ACKR2: variants seen among roughly 807,000 people sequenced by gnomAD.
The protein encoded by ACKR2 is atypical chemokine receptor 2, also known as C-C chemokine receptor D6.
For missense variants in ACKR2, 457 were observed against 477.3 expected, an observed-to-expected ratio of 0.96 and a Z score of 0.40; for synonymous variants, 207 against 192.2, an observed-to-expected ratio of 1.08 and a Z score of -0.64.
At chr3:42,824,289 T>C (rs1366338539) in intron 2 of ACKR2, among the ~76,000 whole-genome samples, 2 of 152,200 alleles carry the variant, frequency 1.3e-5, no homozygotes, top group African/African-American at 2.4e-5. Context: ...TGTATTGTTA[T>C]TTTTAAATTT....
intron 2 of ACKR2, among the ~76,000 whole-genome samples, chr3:42,850,406 A>G (rs532617481): frequency 6.6e-6 from 1 of 152,278 alleles, no homozygotes; most frequent in African/African-American, 2.4e-5. Flanking sequence ...TGAAGCCACC[A>G]TCTCTAGGTC....
chr3:42,865,398 G>T lies in ACKR2; in HGVS notation c.896G>T (p.Ser299Ile). 1 of 1,614,192 alleles carries T rather than the reference G, an allele frequency of 6.2e-7. No individual in the cohort carries two copies. Among genetic ancestry groups the T allele is most frequent in the Non-Finnish European group, 8.5e-7 (1 of 1,180,036 alleles). Residue 299 changes from serine (S) to isoleucine (I), a missense_variant, in exon 3 of 3, where the codon AGC becomes ATC. Physicochemically the swap from Ser to Ile is moderately radical, Grantham distance 142 (BLOSUM62 -2). Coordinates refer to ENST00000422265, the MANE Select transcript of ACKR2 (RefSeq NM_001296.5). Reference sequence around the variant, plus strand: ...GACTACGCACTCCAGGTAACAGAGAGCATCGCCTTCCTTCACTGCTGCTTT... The same window carrying T: ...GACTACGCACTCCAGGTAACAGAGATCATCGCCTTCCTTCACTGCTGCTTT... ...HLDYALQVTE[S>I]IAFLHCCFSP...
At chr3:42,854,548 C>A in intron 2 of ACKR2, among the ~76,000 whole-genome samples, 1 of 152,186 alleles carries the variant, frequency 6.6e-6, no homozygotes, top group Non-Finnish European at 1.5e-5. Flanking sequence ...ATCCCCGGCC[C>A]CCCATTTGCT....
chr3:42,836,112 C>T (rs1372172725), intron 2 of ACKR2, among the ~76,000 whole-genome samples: 1 of 152,088 alleles, frequency 6.6e-6, no homozygotes, highest in Non-Finnish European at 1.5e-5. Context: ...CCAGAAAAAT[C>T]TCATATCTAA....
intron 1 of ACKR2, among the ~76,000 whole-genome samples, chr3:42,812,952 G>A (rs549879951): frequency 4.5e-4 from 69 of 152,150 alleles, no homozygotes; most frequent in African/African-American, 1.6e-3. Flanking sequence ...GCCTCCCAAA[G>A]TGCTGGGATT....
intron 2 of ACKR2, chr3:42,836,008 G>A (rs966230058): frequency 1.3e-5 from 2 of 152,132 alleles, no homozygotes; most frequent in South Asian, 4.1e-4. Flanking sequence ...GGTCTGAGTT[G>A]TGTTATGCTT....
chr3:42,848,686 T>TATTTGTG (rs1701122904), intron 2 of ACKR2, among the ~76,000 whole-genome samples: 1 of 152,170 alleles, frequency 6.6e-6, no homozygotes, highest in Non-Finnish European at 1.5e-5. Context: ...AGAAATAGGA[T>TATTTGTG]ATTTGTGTAG....
chr3:42,828,092 A>ATATATATATATATATATTT (rs1193533555), intron 2 of ACKR2, among the ~76,000 whole-genome samples: 1 of 121,902 alleles, frequency 8.2e-6, no homozygotes, highest in African/African-American at 3.2e-5. Flanking sequence ...ATATATATAT[A>ATATATATATATATATATTT]TTTTTTTTTT....
chr3:42,810,464 C>T (rs1700684035), intron 1 of ACKR2, among the ~76,000 whole-genome samples: 1 of 151,206 alleles, frequency 6.6e-6, no homozygotes, highest in Admixed American at 6.6e-5. Flanking sequence ...TTGTTAAATG[C>T]CCAGGCACGC....
At chr3:42,860,624 T>C (rs1412104058) in intron 2 of ACKR2, among the ~76,000 whole-genome samples, 2 of 152,192 alleles carry the variant, frequency 1.3e-5, no homozygotes, top group Non-Finnish European at 2.9e-5. Context: ...AAAACAGTCC[T>C]CAGCAAATGC....
At chr3:42,829,714 T>C (rs1004327603) in intron 2 of ACKR2, among the ~76,000 whole-genome samples, 2 of 152,190 alleles carry the variant, frequency 1.3e-5, no homozygotes, top group Non-Finnish European at 2.9e-5. Flanking sequence ...AGGGACCTCT[T>C]GACCATCAAC....
At chr3:42,828,092 A>ATATATTTTTTT (rs1193533555) in intron 2 of ACKR2, among the ~76,000 whole-genome samples, 5 of 121,898 alleles carry the variant, frequency 4.1e-5, no homozygotes, top group Non-Finnish European at 6.7e-5. Flanking sequence ...ATATATATAT[A>ATATATTTTTTT]TTTTTTTTTT....
intron 2 of ACKR2, among the ~76,000 whole-genome samples, chr3:42,840,456 T>C (rs1701026187): frequency 6.6e-6 from 1 of 152,038 alleles, no homozygotes; most frequent in Non-Finnish European, 1.5e-5. Context: ...TCCCCACGCA[T>C]TGTTTGCCTC....
chr3:42,831,062 A>G (rs1404233147), intron 2 of ACKR2, among the ~76,000 whole-genome samples: 1 of 152,206 alleles, frequency 6.6e-6, no homozygotes, highest in Non-Finnish European at 1.5e-5. Flanking sequence ...AAGAAAAGAA[A>G]AAGAAAAACA....
chr3:42,816,503 T>A (rs1012711700), intron 1 of ACKR2, among the ~76,000 whole-genome samples: 2 of 152,088 alleles, frequency 1.3e-5, no homozygotes, highest in African/African-American at 4.8e-5. Context: ...AGTCTTGAAT[T>A]GACTTTTCCG....
chr3:42,864,709 G>C lies in ACKR2; in HGVS notation c.207G>C (p.Met69Ile), dbSNP rs749014185. 6 of 1,614,190 alleles carry C rather than the reference G, an allele frequency of 3.7e-6. No individual in the cohort carries two copies. Among genetic ancestry groups the C allele is most frequent in the Non-Finnish European group, 5.1e-6 (6 of 1,180,040 alleles). The stretch of plus-strand genomic sequence containing the variant: ...TCAGCGGGAACCTCCTTCTTCTCAT[G>C]GTCTTGCTCCGTTACGTGCCTCGCA... Reference protein sequence around the residue: ...LGLSGNLLLLMVLLRYVPRRR... With the variant: ...LGLSGNLLLLIVLLRYVPRRR... The change falls in exon 3 of 3, where the codon ATG (methionine) becomes ATC (isoleucine). Residue 69 changes from methionine (M) to isoleucine (I), a missense_variant. Physicochemically the swap from Met to Ile is conservative, Grantham distance 10 (BLOSUM62 1). Transcript: ENST00000422265.
intron 2 of ACKR2, among the ~76,000 whole-genome samples, chr3:42,860,164 CAA>C (rs565028940): frequency 1.2e-4 from 1 of 8,050 alleles, no homozygotes; most frequent in Non-Finnish European, 2.7e-4. Flanking sequence ...AAATGGAAAG[CAA>C]AAAAAAAAAA....
chr3:42,824,266 AT>A (rs775298588), intron 2 of ACKR2, among the ~76,000 whole-genome samples: 1 of 152,044 alleles, frequency 6.6e-6, no homozygotes, highest in African/African-American at 2.4e-5. Flanking sequence ...AAAAATTTGT[AT>A]TTTTTTATTG....
intron 2 of ACKR2, among the ~76,000 whole-genome samples, chr3:42,860,415 C>G (rs1327586753): frequency 6.6e-6 from 1 of 152,042 alleles, no homozygotes; most frequent in Non-Finnish European, 1.5e-5. Flanking sequence ...GACTTTAACA[C>G]CCCACTGTCA....
Sources: allele counts gnomAD v4.1 joint callset (sites outside exome capture counted in the v4.1 genomes callset), GRCh38; gene constraint gnomAD v4.1.1; transcripts MANE v1.5; gene names NCBI Gene and HGNC (gene_info 2026-07-23, HGNC 2026-07-21).